The following SOX5 variants were observed in gnomAD, a reference collection of about 807,000 sequenced individuals.
SOX5 encodes the protein SRY-box transcription factor 5.
A neutral mutation model predicts 92.0 loss-of-function variants in SOX5; 9 were observed. The observed-to-expected ratio is 0.10, with a 90% CI of 0.06 to 0.17. SOX5 has a LOEUF of 0.17. Among genes scored for constraint, SOX5 ranks in the 10% least tolerant of loss-of-function variants. The pLI is 1.00. For missense variants in SOX5, 642 were observed against 944.5 expected, an observed-to-expected ratio of 0.68 and a Z score of 4.20; for synonymous variants, 344 against 336.3, an observed-to-expected ratio of 1.02 and a Z score of -0.25.
intron 3 of SOX5, among the ~76,000 whole-genome samples, chr12:24,221,798 T>C (rs1415170510): frequency 6.6e-6 from 1 of 152,236 alleles, no homozygotes; most frequent in Non-Finnish European, 1.5e-5. Context: ...ATCTGCAATT[T>C]TAAGCAGGGT....
chr12:23,847,466 T>C (rs115850969), intron 2 of SOX5, among the ~76,000 whole-genome samples: 104 of 152,298 alleles, frequency 6.8e-4, no homozygotes, highest in African/African-American at 2.5e-3. Context: ...ATGCAATATT[T>C]TGGACTAGCT....
intron 10 of SOX5, among the ~76,000 whole-genome samples, chr12:23,572,676 C>T (rs554490056): frequency 1.1e-4 from 17 of 152,266 alleles, no homozygotes; most frequent in African/African-American, 4.1e-4. Context: ...AACACTATGA[C>T]ATTTATAAGC....
intron 11 of SOX5, among the ~76,000 whole-genome samples, chr12:23,547,730 A>G (rs909581087): frequency 3.9e-5 from 6 of 152,286 alleles, no homozygotes; most frequent in South Asian, 2.1e-4. Context: ...AGTATAAAAT[A>G]CAGTAGAGAA....
Position 23,786,256 on chromosome 12 carries a change from A to C in SOX5, c.482-30532T>G, listed in dbSNP as rs536130117. ...ACATACTTCCACTTACAAATATTAAAAAACAAATTTTATATTCTTGGTAAT... is the reference window on the plus strand; with the variant it reads ...ACATACTTCCACTTACAAATATTAACAAACAAATTTTATATTCTTGGTAAT... On this transcript the variant is annotated intron_variant, in intron 3 of 14. Transcript: ENST00000451604. Among the ~76,000 whole-genome samples the C allele has an allele frequency of 2.5e-3, 380 of 152,148 alleles. 1 individual carries two copies. The highest frequency in any genetic ancestry group is 3.9e-3 in the Non-Finnish European group (264 of 67,876).
intron 1 of SOX5, among the ~76,000 whole-genome samples, chr12:24,523,892 T>C (rs2031062693): frequency 6.6e-6 from 1 of 152,210 alleles, no homozygotes; most frequent in Admixed American, 6.5e-5. Flanking sequence ...AATAGACAAG[T>C]GGGACTATAT....
chr12:23,745,634 A>C (rs950651741), intron 4 of SOX5, among the ~76,000 whole-genome samples: 1 of 152,132 alleles, frequency 6.6e-6, no homozygotes, highest in Non-Finnish European at 1.5e-5. Context: ...CATCCTTAAC[A>C]AGTGCCTTGC....
intron 4 of SOX5, among the ~76,000 whole-genome samples, chr12:24,211,111 C>G (rs1168327942): frequency 6.6e-6 from 1 of 152,096 alleles, no homozygotes; most frequent in Non-Finnish European, 1.5e-5. Flanking sequence ...CTTGCCATTC[C>G]TTCAACACAC....
chr12:23,934,340 C>T (rs1375093642), intron 1 of SOX5, among the ~76,000 whole-genome samples: 1 of 150,706 alleles, frequency 6.6e-6, no homozygotes, highest in Non-Finnish European at 1.5e-5. Context: ...TTTATATATA[C>T]ACATACATAC....
chr12:23,796,709 T>C (rs1209818307), intron 3 of SOX5, among the ~76,000 whole-genome samples: 1 of 151,770 alleles, frequency 6.6e-6, no homozygotes, highest in Non-Finnish European at 1.5e-5. Context: ...TTCTAATGCA[T>C]GAAAAAAACT....
intron 2 of SOX5, among the ~76,000 whole-genome samples, chr12:23,860,512 AT>A (rs2096743193): frequency 1.3e-5 from 2 of 152,184 alleles, no homozygotes; most frequent in South Asian, 4.1e-4. Flanking sequence ...TAGAATTGGT[AT>A]GTCTAGTAAA....
At chr12:24,377,709 C>T (rs778919536) in intron 1 of SOX5, among the ~76,000 whole-genome samples, 5 of 152,182 alleles carry the variant, frequency 3.3e-5, no homozygotes, top group Non-Finnish European at 7.3e-5. Context: ...TGTTCTCATT[C>T]ACTAGCTGTA....
At chr12:23,727,071 A>G (rs2093173698) in intron 6 of SOX5, among the ~76,000 whole-genome samples, 1 of 152,170 alleles carries the variant, frequency 6.6e-6, no homozygotes, top group Non-Finnish European at 1.5e-5. Flanking sequence ...GAAATTTGAG[A>G]TTCCAGATAA....
chr12:24,340,023 T>C (rs1385298321), intron 2 of SOX5, among the ~76,000 whole-genome samples: 5 of 152,298 alleles, frequency 3.3e-5, no homozygotes, highest in African/African-American at 9.6e-5. Flanking sequence ...TTAGGGACAC[T>C]GCTGAGGGGC....
chr12:24,479,985 A>G (rs1945809302), intron 1 of SOX5, among the ~76,000 whole-genome samples: 1 of 152,156 alleles, frequency 6.6e-6, no homozygotes, highest in Non-Finnish European at 1.5e-5. Flanking sequence ...TATTTTAAAA[A>G]CCATAATAGT....
Position 24,269,690 on chromosome 12 carries a change from T to TTC in SOX5, c.-77+7525_-77+7526insGA, listed in dbSNP as rs200426148. Among the ~76,000 whole-genome samples the TTC allele has an allele frequency of 6.5e-3, 804 of 123,412 alleles. 5 individuals are homozygous for TTC. Among genetic ancestry groups the TTC allele is most frequent in the African/African-American group, 0.029 (741 of 25,270 alleles). The allele number at this position is 123,412 out of a possible 152,430, so 81.0% of individuals were successfully genotyped here. On this transcript the variant is annotated intron_variant, in intron 3 of 4. Transcript: ENST00000446891. ...TATCACATTTCTTTATTTTTATTCTTTTTTTTTTTTTTTTTTTGAGACAGG... is the reference window on the plus strand; with the variant it reads ...TATCACATTTCTTTATTTTTATTCTTTCTTTTTTTTTTTTTTTTTGAGACAGG...
chr12:23,875,294 T>A (rs76867972), intron 2 of SOX5, among the ~76,000 whole-genome samples: 2 of 146,164 alleles, frequency 1.4e-5, no homozygotes, highest in Non-Finnish European at 3.0e-5. Flanking sequence ...GCTAAAAAAA[T>A]TCAAAGATTA....
intron 2 of SOX5, among the ~76,000 whole-genome samples, chr12:23,863,806 ACACACACACACACACAC>A (rs2096782270): frequency 3.4e-5 from 1 of 29,360 alleles, no homozygotes; most frequent in Admixed American, 2.9e-4. Flanking sequence ...ACACACACAC[ACACACACACACACACAC>A]ACACACACAC....
intron 2 of SOX5, among the ~76,000 whole-genome samples, chr12:24,332,716 G>A (rs74070009): frequency 0.013 from 1,912 of 152,144 alleles, 35 homozygotes; most frequent in African/African-American, 0.044. Context: ...AGAGGATGTC[G>A]TAGAGGCAAG....
At chr12:24,263,131 CA>C (rs1173180844) in intron 3 of SOX5, among the ~76,000 whole-genome samples, 1 of 152,042 alleles carries the variant, frequency 6.6e-6, no homozygotes, top group African/African-American at 2.4e-5. Context: ...GAGGCTGAGA[CA>C]GGAGAATTGC....
Sources: allele counts gnomAD v4.1 joint callset (sites outside exome capture counted in the v4.1 genomes callset), GRCh38; gene constraint gnomAD v4.1.1; transcripts MANE v1.5; gene names NCBI Gene and HGNC (gene_info 2026-07-23, HGNC 2026-07-21).